Variants in ARHGEF10L observed in about 807,000 individuals in gnomAD.
ARHGEF10L encodes the protein Rho guanine nucleotide exchange factor 10 like, also known as rho guanine nucleotide exchange factor 10-like protein.
In ARHGEF10L, 69 loss-of-function variants were observed where a neutral mutation model predicts 141.2. That is an observed-to-expected ratio of 0.49 (90% CI 0.40 to 0.60). The LOEUF is 0.60. Among genes scored for constraint, ARHGEF10L ranks in the 20% least tolerant of loss-of-function variants. The pLI is 0.00. For synonymous variants in ARHGEF10L, 711 were observed against 718.5 expected, an observed-to-expected ratio of 0.99 and a Z score of 0.17; for missense variants, 1,482 against 1,734.3, an observed-to-expected ratio of 0.85 and a Z score of 2.58.
chr1:17,637,830 T>G, intron 18 of ARHGEF10L, 58 bp from the exon 19 acceptor site: 2 of 1,473,092 alleles, frequency 1.4e-6, no homozygotes, highest in Non-Finnish European at 1.8e-6. Flanking sequence ...TGTGAGCAGA[T>G]GCTTGGCTTC....
intron 26 of ARHGEF10L, among the ~76,000 whole-genome samples, chr1:17,686,468 T>C (rs552983882): frequency 2.0e-4 from 31 of 152,258 alleles, no homozygotes; most frequent in African/African-American, 7.5e-4. Flanking sequence ...GTGTAGGTAT[T>C]CCAGGCTAGA....
chr1:17,514,125 C>CTTTTT, the ARHGEF10L span, among the ~76,000 whole-genome samples: 2 of 40,478 alleles, frequency 4.9e-5, no homozygotes, highest in African/African-American at 2.0e-4. Context: ...CACCCAGCCT[C>CTTTTT]TTTTTTTTTT....
At chr1:17,680,089 C>T (rs1042530132) in intron 26 of ARHGEF10L, among the ~76,000 whole-genome samples, 1 of 152,054 alleles carries the variant, frequency 6.6e-6, no homozygotes, top group African/African-American at 2.4e-5. Context: ...GCCCCTGCCC[C>T]TGCCCTGCCC....
At chr1:17,680,876 C>T (rs1281608276) in intron 26 of ARHGEF10L, among the ~76,000 whole-genome samples, 6 of 151,800 alleles carry the variant, frequency 4.0e-5, no homozygotes, top group East Asian at 3.9e-4. Context: ...TTCTGCCTCC[C>T]GGGTTCAAGC....
chr1:17,543,323 G>C (rs912998845), intron 1 of ARHGEF10L, among the ~76,000 whole-genome samples: 1 of 152,120 alleles, frequency 6.6e-6, no homozygotes, highest in African/African-American at 2.4e-5. Flanking sequence ...TGGCTCATGC[G>C]TGTAATCCCA....
chr1:17,543,090 C>G lies in ARHGEF10L; in HGVS notation c.-44+3140C>G, dbSNP rs921879464. Among the ~76,000 whole-genome samples the G allele has an allele frequency of 4.6e-5, 7 of 152,212 alleles. No individual in the cohort carries two copies. In the East Asian group the frequency reaches 1.3e-3, roughly 29 times the overall value. On this transcript the variant is annotated intron_variant, in intron 1 of 28. Coordinates refer to ENST00000361221, the MANE Select transcript of ARHGEF10L (RefSeq NM_018125.4). ...CAGTGTCCCAGAGAGTTCTTCTTCT[C>G]TCTACCTCAGTGGAGGGCATCAGAG...
rs111461054 is a variant in ARHGEF10L, at chr1:17,603,495, A to G, written c.350-13A>G. 5.0e-6 allele frequency: 8 copies of G among 1,610,244 alleles called. No individual in the cohort carries two copies. Among genetic ancestry groups the G allele is most frequent in the African/African-American group, 2.7e-5 (2 of 74,672 alleles). On this transcript the variant is annotated splice_polypyrimidine_tract_variant and intron_variant, in intron 5 of 28. Coordinates refer to ENST00000361221, the MANE Select transcript of ARHGEF10L (RefSeq NM_018125.4). This position sits in a 1 kb window ranked among gnomAD's most constrained non-coding sequence, Gnocchi z 4.8. ...GCCCACGGTGGTGCTCTCTCTCCCC[A>G]CTTCCCTCCCAGTTGACCGGTTCAC... is the stretch of plus-strand genomic sequence containing the variant.
At chr1:17,542,436 G>A (rs991003111) in intron 1 of ARHGEF10L, among the ~76,000 whole-genome samples, 1 of 152,164 alleles carries the variant, frequency 6.6e-6, no homozygotes, top group Non-Finnish European at 1.5e-5. Flanking sequence ...GTGACAGAGG[G>A]AGACCCTGTC....
chr1:17,539,184 C>G (rs1006765353), upstream of ARHGEF10L, among the ~76,000 whole-genome samples: 3 of 152,084 alleles, frequency 2.0e-5, no homozygotes, highest in Non-Finnish European at 4.4e-5. This position sits in a 1 kb window ranked among gnomAD's most constrained non-coding sequence, Gnocchi z 6.0. Flanking sequence ...GGAGGTTTGG[C>G]TGCATGGCTG....
Position 17,634,881 on chromosome 1 carries a change from G to A in ARHGEF10L, c.1792G>A (p.Val598Met). The A allele has an allele frequency of 1.9e-6, 3 of 1,614,106 alleles. No individual in the cohort carries two copies. Among genetic ancestry groups the A allele is most frequent in the Non-Finnish European group, 2.5e-6 (3 of 1,179,966 alleles). The change falls in exon 18 of 29, where the codon GTG (valine) becomes ATG (methionine). Residue 598 changes from valine to methionine, a missense_variant. Val to Met is a conservative substitution (Grantham distance 21, BLOSUM62 1). Around this residue, in one of 3 missense-constraint regions of ARHGEF10L, gnomAD observed 858 missense variants for 966.3 expected, o/e 0.89. Coordinates refer to ENST00000361221, the MANE Select transcript of ARHGEF10L (RefSeq NM_018125.4). ...CCTGGTGCCCCTGGGGCCCAAGTAT[G>A]TGGTGAAGTGGAACACGGCGCTGCC... ...SSLVPLGPKY[V>M]VKWNTALPQV... is the part of the protein sequence containing the mutation.
Position 17,627,308 on chromosome 1 carries a change from A to C in ARHGEF10L, c.1411-22A>C, listed in dbSNP as rs907290803. 2 of 1,607,096 alleles carry C rather than the reference A, an allele frequency of 1.2e-6. No individual in the cohort carries two copies. The highest frequency in any genetic ancestry group is 1.7e-6 in the Non-Finnish European group (2 of 1,174,704). On this transcript the variant is annotated intron_variant, in intron 14 of 28. Coordinates refer to ENST00000361221, the MANE Select transcript of ARHGEF10L (RefSeq NM_018125.4). The surrounding 1 kb of genome is among the most constrained non-coding windows in gnomAD (Gnocchi z 4.0). ...AGAGTTGGTCATGGGTGGGCTGCTC[A>C]GTCTCTGCTCTGACCTGGCAGGACA...
upstream of ARHGEF10L, among the ~76,000 whole-genome samples, chr1:17,536,739 G>A (rs1051644111): frequency 6.6e-6 from 1 of 152,180 alleles, no homozygotes; most frequent in East Asian, 1.9e-4. Flanking sequence ...TGCGAGTGAC[G>A]TTGACAAGTG....
intron 1 of ARHGEF10L, among the ~76,000 whole-genome samples, chr1:17,556,961 C>A (rs1249414981): frequency 1.3e-5 from 2 of 149,786 alleles, no homozygotes; most frequent in African/African-American, 4.9e-5. Context: ...GTAAGAGGTG[C>A]AATATGCTGT....
intron 26 of ARHGEF10L, among the ~76,000 whole-genome samples, chr1:17,668,088 A>G (rs2063094166): frequency 6.6e-6 from 1 of 152,236 alleles, no homozygotes; most frequent in Non-Finnish European, 1.5e-5. Flanking sequence ...CAGGAGGACA[A>G]ACCGAGAACA....
chr1:17,683,659 T>C (rs78474704), intron 26 of ARHGEF10L, among the ~76,000 whole-genome samples: 21,725 of 152,186 alleles, frequency 0.14, 1,672 homozygotes, highest in Non-Finnish European at 0.16. Context: ...GGTGCTGTGC[T>C]GTTCTCCCTA....
Position 17,624,367 on chromosome 1 carries a change from C to G in ARHGEF10L, c.1201-20C>G. On this transcript the variant is annotated intron_variant, in intron 12 of 28. Coordinates refer to ENST00000361221, the MANE Select transcript of ARHGEF10L (RefSeq NM_018125.4). ...CCTGCATTGAGGCGGTCTCCCTGGC[C>G]CACACCTGCCTTGTTTCAGTTTTCC... 2 of 1,599,898 alleles carry G rather than the reference C, an allele frequency of 1.3e-6. No individual in the cohort carries two copies. The highest frequency in any genetic ancestry group is 1.7e-6 in the Non-Finnish European group (2 of 1,167,468).
intron 1 of ARHGEF10L, among the ~76,000 whole-genome samples, chr1:17,560,261 TTACACAGTTAATG>T (rs1490669185): frequency 6.6e-6 from 1 of 152,114 alleles, no homozygotes; most frequent in African/African-American, 2.4e-5. Context: ...CCAGCTCGGT[TTACACAGTTAATG>T]AGAAATGGGC....
chr1:17,632,602 A>C, intron 16 of ARHGEF10L, 136 bp downstream of exon 16: 2 of 1,169,128 alleles, frequency 1.7e-6, no homozygotes, highest in Non-Finnish European at 1.2e-6. Context: ...TTCCTCTCCC[A>C]TCCCTCTTGC....
rs1182118941 is a variant in ARHGEF10L, at chr1:17,656,478, C to T, written c.2706-76C>T. The stretch of plus-strand genomic sequence containing the variant: ...GGGTCAGCTCCCTGGGGCCCTCTCC[C>T]TAGGAGGGCATGGGGGCAGTGAGTG... On this transcript the variant is annotated intron_variant, in intron 24 of 28. Coordinates refer to ENST00000361221, the MANE Select transcript of ARHGEF10L (RefSeq NM_018125.4). The surrounding 1 kb of genome is among the most constrained non-coding windows in gnomAD (Gnocchi z 4.9). 2 of 1,533,824 alleles carry T rather than the reference C, an allele frequency of 1.3e-6. No individual in the cohort carries two copies. Among genetic ancestry groups the T allele is most frequent in the Non-Finnish European group, 1.8e-6 (2 of 1,127,062 alleles).
Sources: allele counts gnomAD v4.1 joint callset (sites outside exome capture counted in the v4.1 genomes callset), GRCh38; gene constraint gnomAD v4.1.1; regional missense constraint gnomAD v4.1.1; non-coding constraint Gnocchi (gnomAD v3.1); transcripts MANE v1.5; gene names NCBI Gene and HGNC (gene_info 2026-07-23, HGNC 2026-07-21).